The following RPGRIP1 variants were observed in gnomAD, a reference collection of about 807,000 sequenced individuals.
RPGRIP1 encodes the protein RPGR interacting protein 1.
Under a neutral mutation model 157.9 loss-of-function variants are expected in RPGRIP1, and 128 were observed. The ratio of observed to expected loss-of-function variants is 0.81; its 90% CI spans 0.70 to 0.94. The LOEUF (loss-of-function observed/expected upper bound fraction) is 0.94, where lower values mean the gene tolerates loss of function less well. Among genes scored for constraint, RPGRIP1 ranks in the 40% least tolerant of loss-of-function variants. The pLI, the probability that RPGRIP1 is intolerant of heterozygous loss-of-function variation, is 0.00. For missense variants in RPGRIP1, 1,486 were observed against 1,545.8 expected (o/e 0.96, Z 0.65); for synonymous variants, 554 against 571.6 (o/e 0.97, Z 0.44).
chr14:21,293,924 G>A (rs1411111898), intron 2 of RPGRIP1, among the ~76,000 whole-genome samples: 1 of 151,160 alleles, frequency 6.6e-6, no homozygotes, highest in African/African-American at 2.4e-5. Flanking sequence ...GTGGTGGCAG[G>A]CACCTGCAAT....
At chr14:21,320,276 T>C in intron 12 of RPGRIP1, 99 bp downstream of exon 12, 1 of 1,165,846 alleles carries the variant, frequency 8.6e-7, no homozygotes, top group Non-Finnish European at 1.2e-6. Context: ...CTAAATAATA[T>C]TTTGTCCTGA....
At chr14:21,298,393 A>G (rs979570073) in intron 3 of RPGRIP1, among the ~76,000 whole-genome samples, 2 of 150,576 alleles carry the variant, frequency 1.3e-5, no homozygotes, top group Non-Finnish European at 3.0e-5. Context: ...CCAGCTACTC[A>G]GGAGGCTGAG....
At chr14:21,301,294 C>A in intron 4 of RPGRIP1, 57 bp downstream of exon 4, 1 of 1,516,030 alleles carries the variant, frequency 6.6e-7, no homozygotes, top group East Asian at 2.5e-5. Flanking sequence ...GACTGATGTG[C>A]CAGCCACGTT....
intron 21 of RPGRIP1, among the ~76,000 whole-genome samples, chr14:21,336,351 C>T (rs61977487): frequency 0.18 from 27,169 of 152,092 alleles, 3,037 homozygotes; most frequent in African/African-American, 0.31. Flanking sequence ...CTGAGCAACA[C>T]AGCAAGACAA....
rs1883256186 is a variant in RPGRIP1, at chr14:21,327,698, A to G, written c.2786A>G (p.Tyr929Cys). The G allele has an allele frequency of 1.2e-6, 2 of 1,613,804 alleles. No individual in the cohort carries two copies. The highest frequency in any genetic ancestry group is 1.7e-6 in the Non-Finnish European group (2 of 1,179,848). The part of the protein sequence containing the change: ...IQVQLDWKFP[Y>C]IPPESFLKPE... ...GTGCAACTGGATTGGAAGTTTCCCT[A>G]CATACCCCCTGAGAGCTTCCTGAAA... Residue 929 changes from tyrosine to cysteine, a missense_variant, in exon 18 of 25, where the codon TAC (tyrosine) becomes TGC (cysteine). Coordinates refer to ENST00000400017, the MANE Select transcript of RPGRIP1 (RefSeq NM_020366.4).
At chr14:21,283,040 G>A (rs913483194) in intron 1 of RPGRIP1, among the ~76,000 whole-genome samples, 23 of 152,244 alleles carry the variant, frequency 1.5e-4, no homozygotes, top group African/African-American at 5.1e-4. Flanking sequence ...TAGAGCTTCT[G>A]TGACTTCAGT....
intron 7 of RPGRIP1, among the ~76,000 whole-genome samples, chr14:21,309,257 A>G (rs1881446507): frequency 6.6e-6 from 1 of 152,156 alleles, no homozygotes; most frequent in Non-Finnish European, 1.5e-5. Context: ...GGAGCCTGTA[A>G]TCCCAGCACT....
intron 1 of RPGRIP1, among the ~76,000 whole-genome samples, chr14:21,287,347 A>G (rs1483909412): frequency 6.6e-6 from 1 of 152,184 alleles, no homozygotes; most frequent in Non-Finnish European, 1.5e-5. Context: ...AACTCTATAG[A>G]CAGGATTTCC....
At chr14:21,330,598 G>A (rs1883661314) in intron 20 of RPGRIP1, among the ~76,000 whole-genome samples, 1 of 152,028 alleles carries the variant, frequency 6.6e-6, no homozygotes, top group South Asian at 2.1e-4. Context: ...CCCAGGAGGA[G>A]GAGGTTGCAG....
rs1237590831 is a variant in RPGRIP1, at chr14:21,302,376, G to A, written c.491-112G>A. On this transcript the variant is annotated intron_variant, in intron 4 of 24. Coordinates refer to ENST00000400017, the MANE Select transcript of RPGRIP1 (RefSeq NM_020366.4). ...CTCGGGGACCATTTGTCATACAAGG[G>A]TTTCACCCAGGTCTCAAGACTCTAT... The A allele has an allele frequency of 6.0e-6, 3 of 499,202 alleles. No homozygotes were observed. In the East Asian group the frequency reaches 1.0e-4, roughly 17 times the overall value. 30.9% of individuals were successfully genotyped at this position (499,202 alleles called of 1,614,324 possible). A position where few individuals can be genotyped will look rare whatever the true frequency, so the allele number is the denominator to read the frequency against.
At chr14:21,307,604 T>G in intron 6 of RPGRIP1, 127 bp from the exon 7 acceptor site, 1 of 641,192 alleles carries the variant, frequency 1.6e-6, no homozygotes, top group South Asian at 1.9e-5. Context: ...ATACTTGTGT[T>G]CTAGTGTGGG....
In RPGRIP1 at chr14:21,327,854, G is replaced by A. The variant is rs1566347586; in HGVS notation, c.2895+47G>A. On this transcript the variant is annotated intron_variant, in intron 18 of 24. Transcript: ENST00000400017. The stretch of plus-strand genomic sequence containing the variant: ...GGTAGCAGATCTCTGCCAATCCTAT[G>A]GAGCAGATTTGAAGGAGACAGTATT... 2.1e-6 allele frequency: 3 copies of A among 1,423,450 alleles called. 1 individual carries two copies. The highest frequency in any genetic ancestry group is 2.9e-6 in the Non-Finnish European group (3 of 1,051,268). 88.2% of individuals were successfully genotyped at this position (1,423,450 alleles called of 1,614,324 possible).
chr14:21,302,865 G>GTTTTTTTTTTTTT (rs59447072), intron 5 of RPGRIP1: 3 of 88,180 alleles, frequency 3.4e-5, no homozygotes, highest in African/African-American at 4.6e-5. Context: ...CCTTTGTTGT[G>GTTTTTTTTTTTTT]TTTTTTTTTT....
Position 21,332,172 on chromosome 14 carries a change from C to G in RPGRIP1, c.3238+1785C>G, listed in dbSNP as rs563428459. 3.3e-5 allele frequency among the ~76,000 whole-genome samples: 5 copies of G among 152,150 alleles called. No individual in the cohort carries two copies. The East Asian group carries it at 9.7e-4, about 29-fold the overall frequency. ...CAGGCTGGTCTCGAACTCTTGACCT[C>G]AAGTGATCCACCTGCCTCAGCCTCC... On this transcript the variant is annotated intron_variant, in intron 20 of 24. Transcript: ENST00000400017.
At chr14:21,319,160 A>G (rs1882120704) in intron 11 of RPGRIP1, among the ~76,000 whole-genome samples, 1 of 152,352 alleles carries the variant, frequency 6.6e-6, no homozygotes, top group East Asian at 1.9e-4. Context: ...TGTTTGAAGC[A>G]CAAATGAAGT....
rs751342895 is a variant in RPGRIP1, at chr14:21,321,257, A to G, written c.1468-2A>G. 1.3e-5 allele frequency: 21 copies of G among 1,611,972 alleles called. 1 individual carries two copies. The East Asian group carries it at 4.5e-4, about 34-fold the overall frequency. ...CTTTTACCAATGCGTTTCCCTCTAC[A>G]GCCAAGTGAACCCAAAAACCAAGAA... On this transcript the variant is annotated splice_acceptor_variant, in intron 12 of 24. Coordinates refer to ENST00000400017, the MANE Select transcript of RPGRIP1 (RefSeq NM_020366.4). LOFTEE classifies it high-confidence loss of function.
At chr14:21,338,208 T>G (rs1488939942) in intron 21 of RPGRIP1, among the ~76,000 whole-genome samples, 2 of 152,004 alleles carry the variant, frequency 1.3e-5, no homozygotes, top group Non-Finnish European at 2.9e-5. Context: ...GAGCCACCGC[T>G]CCTGGCCTCC....
chr14:21,329,778 G>A (rs1468438782), intron 19 of RPGRIP1, among the ~76,000 whole-genome samples: 1 of 151,026 alleles, frequency 6.6e-6, no homozygotes, highest in African/African-American at 2.4e-5. Flanking sequence ...TTATAGGCGT[G>A]AGCCACCATG....
At chr14:21,333,361 C>T (rs760020648) in intron 20 of RPGRIP1, among the ~76,000 whole-genome samples, 15 of 152,184 alleles carry the variant, frequency 9.9e-5, no homozygotes, top group Admixed American at 5.9e-4. Context: ...TTTTGCTGCC[C>T]GCTCAGACCT....
Sources: gnomAD v4.1 joint callset for allele counts (sites outside exome capture counted in the v4.1 genomes callset) on GRCh38, gnomAD v4.1.1 for gene constraint, MANE v1.5 for transcripts, NCBI Gene and HGNC (gene_info 2026-07-23, HGNC 2026-07-21) for gene names.